Variants in BMPER observed in about 807,000 individuals in gnomAD.
The protein encoded by BMPER is BMP-binding endothelial regulator protein.
A neutral mutation model predicts 87.3 loss-of-function variants in BMPER; 45 were observed. The observed-to-expected ratio is 0.52, with a 90% confidence interval of 0.41 to 0.66. The LOEUF (loss-of-function observed/expected upper bound fraction) is 0.66, where lower values mean the gene tolerates loss of function less well. BMPER is among the 30% of genes least tolerant of loss of function. The pLI is 0.00. For synonymous variants in BMPER, 326 were observed against 316.2 expected, an observed-to-expected ratio of 1.03 and a Z score of -0.33; for missense variants, 784 against 867.5, an observed-to-expected ratio of 0.90 and a Z score of 1.21.
intron 3 of BMPER, 67 bp downstream of exon 3, chr7:33,937,455 C>T: frequency 6.6e-7 from 1 of 1,520,478 alleles, no homozygotes; most frequent in Non-Finnish European, 9.1e-7. Flanking sequence ...CTCTTTCTCT[C>T]ACCTTCCTTT....
rs1442501439 is a variant in BMPER, at chr7:34,067,660, C to G, written c.1078+5613C>G. ...AAGGAGGTGTTAACCTAAGTGGCCA[C>G]TGAAGTTTCTGCTCCAGCATCTGGA... On this transcript the variant is annotated intron_variant, in intron 11 of 14. Transcript: ENST00000649409. Among the ~76,000 whole-genome samples, 5 of 152,276 alleles carry G rather than the reference C, an allele frequency of 3.3e-5. No individual in the cohort carries two copies. In the East Asian group the frequency reaches 5.8e-4, roughly 18 times the overall value.
chr7:33,940,130 A>C (rs1194595801), intron 3 of BMPER: 2 of 160,448 alleles, frequency 1.2e-5, no homozygotes, highest in Non-Finnish European at 2.8e-5. Context: ...ACCATCCAGA[A>C]ATAGCAATTG....
At chr7:34,135,012 C>T (rs1790685395) in intron 13 of BMPER, among the ~76,000 whole-genome samples, 1 of 152,158 alleles carries the variant, frequency 6.6e-6, no homozygotes, top group Admixed American at 6.5e-5. Context: ...ATTTCTGGAG[C>T]TCCTGTGTGC....
chr7:34,109,088 G>T (rs530561127), intron 13 of BMPER, among the ~76,000 whole-genome samples: 1 of 152,178 alleles, frequency 6.6e-6, no homozygotes, highest in Non-Finnish European at 1.5e-5. Context: ...ATGAGTTGGC[G>T]AGCTGGAGAC....
At chr7:34,025,861 G>A (rs753694311) in intron 6 of BMPER, among the ~76,000 whole-genome samples, 14 of 151,984 alleles carry the variant, frequency 9.2e-5, no homozygotes, top group South Asian at 2.1e-4. Context: ...CTGCCTGTTC[G>A]TTTTTTGCAT....
chr7:34,116,686 C>T (rs1043867119), intron 13 of BMPER, among the ~76,000 whole-genome samples: 2 of 152,148 alleles, frequency 1.3e-5, no homozygotes, highest in African/African-American at 4.8e-5. Context: ...CAAACAACAA[C>T]AGCAATAATA....
chr7:34,019,136 C>T (rs1418534150), intron 6 of BMPER, among the ~76,000 whole-genome samples: 1 of 151,962 alleles, frequency 6.6e-6, no homozygotes, highest in Admixed American at 6.6e-5. Flanking sequence ...CTTTGGAGAT[C>T]GAATTGCCTG....
At chr7:33,955,966 G>C (rs975682231) in intron 3 of BMPER, among the ~76,000 whole-genome samples, 1 of 152,050 alleles carries the variant, frequency 6.6e-6, no homozygotes, top group African/African-American at 2.4e-5. Context: ...ATGGAAGAAG[G>C]CTAGCTTTTT....
intron 13 of BMPER, among the ~76,000 whole-genome samples, chr7:34,110,581 A>G (rs190160035): frequency 6.6e-6 from 1 of 152,290 alleles, no homozygotes; most frequent in African/African-American, 2.4e-5. Flanking sequence ...CAGACTTTAT[A>G]TACTGTGTGT....
At chr7:33,990,593 T>G (rs1318570248) in intron 6 of BMPER, among the ~76,000 whole-genome samples, 1 of 151,776 alleles carries the variant, frequency 6.6e-6, no homozygotes. Flanking sequence ...TTTTTCTAAT[T>G]GAATACCCTT....
intron 6 of BMPER, among the ~76,000 whole-genome samples, chr7:33,994,352 C>A (rs574690316): frequency 6.6e-6 from 1 of 152,192 alleles, no homozygotes. Flanking sequence ...GTCGGAAAAG[C>A]GCGGTATTCG....
chr7:34,040,413 G>T (rs1787802894), intron 6 of BMPER, among the ~76,000 whole-genome samples: 1 of 152,182 alleles, frequency 6.6e-6, no homozygotes, highest in African/African-American at 2.4e-5. Context: ...AGGTTGTGTG[G>T]GTTTGGAGTC....
intron 3 of BMPER, among the ~76,000 whole-genome samples, chr7:33,939,634 C>T (rs913216633): frequency 7.9e-5 from 12 of 152,144 alleles, no homozygotes; most frequent in African/African-American, 1.7e-4. Flanking sequence ...ATGCTGTTCT[C>T]GTGCTGTTCA....
chr7:34,105,413 A>G (rs916559558), intron 13 of BMPER, among the ~76,000 whole-genome samples: 1 of 152,286 alleles, frequency 6.6e-6, no homozygotes, highest in African/African-American at 2.4e-5. Flanking sequence ...TCTTCCCTCT[A>G]GATGATGTTG....
At chr7:34,106,014 A>G (rs1789809349) in intron 13 of BMPER, among the ~76,000 whole-genome samples, 1 of 152,168 alleles carries the variant, frequency 6.6e-6, no homozygotes, top group African/African-American at 2.4e-5. Flanking sequence ...CTTGCGCCAC[A>G]CAAGACTAGA....
intron 3 of BMPER, among the ~76,000 whole-genome samples, chr7:33,959,798 A>G (rs951876395): frequency 6.6e-6 from 1 of 152,244 alleles, no homozygotes; most frequent in Non-Finnish European, 1.5e-5. Context: ...TACTGTATCT[A>G]TTATGATACT....
intron 6 of BMPER, among the ~76,000 whole-genome samples, chr7:33,988,621 T>G (rs1029244201): frequency 6.6e-6 from 1 of 152,144 alleles, no homozygotes; most frequent in African/African-American, 2.4e-5. Context: ...TTTTAATTAT[T>G]TTTTTAATTA....
chr7:33,909,214 G>C lies in BMPER; in HGVS notation c.219+2311G>C, dbSNP rs564992986. ...TTACAGATGAGGAAACTGAGGCATA[G>C]GGGGCTAAGTAGCTTGTGAAGGTTG... On this transcript the variant is annotated intron_variant, in intron 2 of 14. Transcript: ENST00000649409. Among the ~76,000 whole-genome samples, 16 of 152,280 alleles carry C rather than the reference G, an allele frequency of 1.1e-4. No individual in the cohort carries two copies. The South Asian group carries it at 1.7e-3, about 16-fold the overall frequency.
At chr7:34,029,598 C>G (rs1787471248) in intron 6 of BMPER, among the ~76,000 whole-genome samples, 1 of 152,120 alleles carries the variant, frequency 6.6e-6, no homozygotes, top group South Asian at 2.1e-4. Flanking sequence ...AAGAGACCTA[C>G]ATGGGGTAAA....
Sources: allele counts gnomAD v4.1 joint callset (sites outside exome capture counted in the v4.1 genomes callset), GRCh38; gene constraint gnomAD v4.1.1; transcripts MANE v1.5; gene names NCBI Gene and HGNC (gene_info 2026-07-23, HGNC 2026-07-21).